CLVS1: variants seen among roughly 807,000 people sequenced by gnomAD.
CLVS1 encodes the protein clavesin-1.
In CLVS1, 10 loss-of-function variants were observed where a neutral mutation model predicts 33.1. That is an observed-to-expected ratio of 0.30 (90% CI 0.19 to 0.51). The LOEUF (loss-of-function observed/expected upper bound fraction) is 0.51. Ranked by LOEUF, CLVS1 falls within the 20% of genes least tolerant of loss-of-function variation. The pLI is 0.97. For synonymous variants in CLVS1, 163 were observed against 166.1 expected, an observed-to-expected ratio of 0.98 and a Z score of 0.14; for missense variants, 343 against 433.4, an observed-to-expected ratio of 0.79 and a Z score of 1.85.
the CLVS1 span, among the ~76,000 whole-genome samples, chr8:61,052,096 G>A: frequency 1.3e-5 from 2 of 152,176 alleles, no homozygotes; most frequent in Non-Finnish European, 2.9e-5. Context: ...GGGGATTGAG[G>A]TCACCGCACC....
intron 2 of CLVS1, among the ~76,000 whole-genome samples, chr8:61,224,911 A>AC (rs1808295662): frequency 6.6e-6 from 1 of 152,248 alleles, no homozygotes; most frequent in Non-Finnish European, 1.5e-5. Context: ...GAGAATTTCT[A>AC]ACCCTCTAAG....
intron 2 of CLVS1, among the ~76,000 whole-genome samples, chr8:61,319,676 G>T (rs1483001603): frequency 7.9e-5 from 12 of 152,048 alleles, no homozygotes; most frequent in Admixed American, 7.9e-4. Context: ...TCTTAGTTTT[G>T]ACTCCAATTA....
At chr8:61,141,531 A>T (rs979897652) in intron 2 of CLVS1, among the ~76,000 whole-genome samples, 3 of 152,134 alleles carry the variant, frequency 2.0e-5, no homozygotes, top group Non-Finnish European at 2.9e-5. Flanking sequence ...ATGAACATTA[A>T]TTCTCTCTCT....
chr8:61,429,138 G>A (rs1264260678), intron 3 of CLVS1, among the ~76,000 whole-genome samples: 2 of 152,074 alleles, frequency 1.3e-5, no homozygotes, highest in Non-Finnish European at 2.9e-5. Context: ...AAGCCTGCCT[G>A]CAGCTGGGTG....
At chr8:61,172,932 T>G (rs957125633) in intron 2 of CLVS1, among the ~76,000 whole-genome samples, 1 of 152,204 alleles carries the variant, frequency 6.6e-6, no homozygotes, top group African/African-American at 2.4e-5. Context: ...CACAAATCAC[T>G]TCTCATATTC....
At chr8:61,180,843 A>G (rs937635025) in intron 2 of CLVS1, among the ~76,000 whole-genome samples, 1 of 152,232 alleles carries the variant, frequency 6.6e-6, no homozygotes, top group Non-Finnish European at 1.5e-5. Flanking sequence ...ATATCTCAAA[A>G]TAATAAGAGC....
chr8:61,295,009 A>G (rs879698333), intron 1 of CLVS1, among the ~76,000 whole-genome samples: 18 of 152,220 alleles, frequency 1.2e-4, no homozygotes, highest in African/African-American at 4.1e-4. Context: ...TTTAAATATC[A>G]TAGTATGGAT....
chr8:61,239,431 T>C (rs1456009906), intron 2 of CLVS1, among the ~76,000 whole-genome samples: 1 of 152,204 alleles, frequency 6.6e-6, no homozygotes, highest in Non-Finnish European at 1.5e-5. Flanking sequence ...TTTTTTAGTC[T>C]TTTAATATAT....
chr8:61,411,188 G>A (rs1815208350), intron 3 of CLVS1, among the ~76,000 whole-genome samples: 1 of 152,130 alleles, frequency 6.6e-6, no homozygotes, highest in African/African-American at 2.4e-5. Flanking sequence ...GTGTGTAGGA[G>A]AAATAAACAT....
chr8:61,461,266 T>TG (rs1344101057), intron 5 of CLVS1, among the ~76,000 whole-genome samples: 1 of 152,250 alleles, frequency 6.6e-6, no homozygotes, highest in Non-Finnish European at 1.5e-5. Context: ...CTGATTTCTT[T>TG]GGGGTATTGT....
chr8:61,048,809 C>T, the CLVS1 span, among the ~76,000 whole-genome samples: 2 of 152,122 alleles, frequency 1.3e-5, no homozygotes, highest in Admixed American at 1.3e-4. Context: ...CTCTCCCCTC[C>T]CCTGCCATCC....
At chr8:61,313,291 G>C (rs925481874) in intron 2 of CLVS1, among the ~76,000 whole-genome samples, 1 of 152,140 alleles carries the variant, frequency 6.6e-6, no homozygotes, top group East Asian at 1.9e-4. Context: ...CACCATGTAA[G>C]GGTCTAGAAG....
At chr8:61,072,235 C>T (rs557977969) in intron 1 of CLVS1, among the ~76,000 whole-genome samples, 4 of 152,296 alleles carry the variant, frequency 2.6e-5, no homozygotes, top group East Asian at 1.9e-4. Context: ...TTTCTTGAGG[C>T]CTCTGTCCTC....
intron 3 of CLVS1, among the ~76,000 whole-genome samples, chr8:61,429,024 A>C (rs1017178672): frequency 2.0e-5 from 3 of 152,116 alleles, no homozygotes; most frequent in Admixed American, 1.3e-4. Context: ...ACACGGTAGA[A>C]ATTTATTTGG....
intron 3 of CLVS1, among the ~76,000 whole-genome samples, chr8:61,415,716 A>G (rs1275737717): frequency 1.3e-5 from 2 of 152,080 alleles, no homozygotes; most frequent in African/African-American, 4.8e-5. Context: ...CACATGCACA[A>G]TGTTTCCAAT....
At chr8:61,392,586 G>A (rs569781606) in intron 3 of CLVS1, among the ~76,000 whole-genome samples, 69 of 152,142 alleles carry the variant, frequency 4.5e-4, no homozygotes, top group African/African-American at 1.3e-3. Flanking sequence ...AGCCTGGCAC[G>A]GTGGCTCACA....
rs111715154 is a variant in CLVS1, at chr8:61,207,354, A to AG, written c.-152+75497dup. ...GAATGTGCAGAGGTGCATGGGCTCC[A>AG]GGGATTTGCAGCGGTGCATGGGTTC... is the stretch of plus-strand genomic sequence containing the variant. On this transcript the variant is annotated intron_variant, in intron 2 of 2. Coordinates refer to the CLVS1 transcript ENST00000522621. Among the ~76,000 whole-genome samples the AG allele has an allele frequency of 1.2e-3, 38 of 30,882 alleles. No individual in the cohort carries two copies. In the Admixed American group the frequency reaches 0.012, roughly 10 times the overall value. The allele number at this position is 30,882 out of a possible 152,430, so 20.3% of individuals were successfully genotyped here.
chr8:61,271,525 T>G (rs1809437742), intron 2 of CLVS1, among the ~76,000 whole-genome samples: 2 of 148,484 alleles, frequency 1.3e-5, no homozygotes, highest in Admixed American at 6.7e-5. Context: ...TAGATGTCTA[T>G]TAGGTCTGCT....
At chr8:61,202,836 AGATGATGAT>A (rs1032932433) in intron 2 of CLVS1, 1 of 1,019,950 alleles carries the variant, frequency 9.8e-7, no homozygotes, top group African/African-American at 1.6e-5. Context: ...CTGCTGATGA[AGATGATGAT>A]GATGATGAAG....
Sources: allele counts gnomAD v4.1 joint callset (sites outside exome capture counted in the v4.1 genomes callset), GRCh38; gene constraint gnomAD v4.1.1; transcripts MANE v1.5; gene names NCBI Gene and HGNC (gene_info 2026-07-23, HGNC 2026-07-21).